Variants in TOP1MT observed in about 807,000 individuals in gnomAD.
TOP1MT encodes DNA topoisomerase I mitochondrial, also known as DNA topoisomerase I, mitochondrial.
Under a neutral mutation model 73.9 loss-of-function variants are expected in TOP1MT, and 80 were observed. That is an observed-to-expected ratio of 1.08 (90% CI 0.90 to 1.30). The LOEUF (loss-of-function observed/expected upper bound fraction) is 1.30, where lower values mean the gene tolerates loss of function less well. TOP1MT is among the 50% of genes most tolerant of loss of function. TOP1MT has a pLI of 0.00. For missense variants in TOP1MT, 815 were observed against 808.0 expected, an observed-to-expected ratio of 1.01 and a Z score of -0.10; for synonymous variants, 338 against 326.4, an observed-to-expected ratio of 1.04 and a Z score of -0.38.
rs916212452 is a variant in TOP1MT at position 143,317,630 on chromosome 8, C to T, written c.1330+93G>A. 69 of 1,141,164 alleles carry T rather than the reference C, an allele frequency of 6.0e-5. No individual in the cohort carries two copies. In the African/African-American group the frequency reaches 8.3e-4, roughly 14 times the overall value. 70.7% of individuals were successfully genotyped at this position (1,141,164 alleles called of 1,614,324 possible). On this transcript the variant is annotated intron_variant, in intron 10 of 13. Coordinates refer to ENST00000329245, the MANE Select transcript of TOP1MT (RefSeq NM_052963.3). ...ATTTCCCAAAGAAGCGGCCCCACCC[C>T]GAGGCTCACTCAACAAGGGCCAGCC...
chr8:143,321,496 G>GC (rs1563757677), intron 7 of TOP1MT, 110 bp from the exon 8 acceptor site: 1 of 212,848 alleles, frequency 4.7e-6, no homozygotes, highest in Non-Finnish European at 6.5e-6. Flanking sequence ...CGCCACACAC[G>GC]CACGCCACAC....
At chr8:143,353,589 A>G (rs1216565962) in intron 1 of TOP1MT, among the ~76,000 whole-genome samples, 1 of 152,214 alleles carries the variant, frequency 6.6e-6, no homozygotes, top group African/African-American at 2.4e-5. Context: ...CAGAATGGCC[A>G]TAATGAAAAA....
rs773238695 is a variant in TOP1MT at position 143,325,468 on chromosome 8, T to G, written c.549A>C (p.Gln183His). 1 of 1,613,594 alleles carries G rather than the reference T, an allele frequency of 6.2e-7. No individual in the cohort carries two copies. The highest frequency in any genetic ancestry group is 1.1e-5 in the South Asian group (1 of 91,090). ...CAATCTTGAAGTTGCCTATTTTTTC[T>G]TGGTGACCATCTAAAATACAGTAGC... ...EFGYCILDGH[Q>H]EKIGNFKIEP... Residue 183 changes from glutamine (Q) to histidine (H), a missense_variant, in exon 5 of 14, where the codon CAA (glutamine) becomes CAC (histidine). Transcript: ENST00000329245.
In TOP1MT at chr8:143,329,534, T is replaced by C. The variant is rs571313106; in HGVS notation, c.239-63A>G. The stretch of plus-strand genomic sequence containing the variant: ...CCAGAGGCTCGGCCTCCAGCTGACA[T>C]GACCTCATTGCTTTAAACTACGCTT... On this transcript the variant is annotated intron_variant, in intron 2 of 13. Transcript: ENST00000329245. 2.8e-5 allele frequency: 44 copies of C among 1,572,164 alleles called. No individual in the cohort carries two copies. In the African/African-American group the frequency reaches 5.1e-4, roughly 18 times the overall value.
Position 143,310,719 on chromosome 8 carries a change from A to G in TOP1MT, c.1554-502T>C, listed in dbSNP as rs571979124. Among the ~76,000 whole-genome samples, 4 of 152,354 alleles carry G rather than the reference A, an allele frequency of 2.6e-5. No homozygotes were observed. In the East Asian group the frequency reaches 5.8e-4, roughly 22 times the overall value. ...CAACTCTTCTAGGAATTTGTGCCAC[A>G]AACACTCGAATGTGCGTGGAAAGAC... On this transcript the variant is annotated intron_variant, in intron 12 of 13. Transcript: ENST00000329245.
At chr8:143,322,961 CACGCCACA>C in intron 7 of TOP1MT, among the ~76,000 whole-genome samples, 1 of 127,456 alleles carries the variant, frequency 7.8e-6, no homozygotes. Context: ...GCCACACACG[CACGCCACA>C]CACGCACGCA....
chr8:143,328,616 G>A (rs1177695677), intron 3 of TOP1MT, among the ~76,000 whole-genome samples: 1 of 152,344 alleles, frequency 6.6e-6, no homozygotes, highest in East Asian at 1.9e-4. Flanking sequence ...TCCTGTCAGA[G>A]GCAACTCACA....
intron 11 of TOP1MT, 57 bp from the exon 12 acceptor site, chr8:143,315,878 G>A: frequency 3.1e-6 from 5 of 1,604,170 alleles, no homozygotes; most frequent in Non-Finnish European, 4.3e-6. Context: ...CAGCCCCTGT[G>A]CCCACACCCT....
At chr8:143,358,629 A>G (rs1464236231), upstream of TOP1MT, 2 of 152,284 alleles carry the variant, frequency 1.3e-5, no homozygotes, top group African/African-American at 4.8e-5. Context: ...TTGGGCCCCG[A>G]CTGTCTCCCA....
At chr8:143,316,252 G>C (rs1816160331) in intron 10 of TOP1MT, 126 bp from the exon 11 acceptor site, 1 of 1,432,834 alleles carries the variant, frequency 7.0e-7, no homozygotes, top group African/African-American at 1.4e-5. Flanking sequence ...CACTGGGATG[G>C]GGAGAGTGAG....
upstream of TOP1MT, chr8:143,359,755 G>A (rs1817473149): frequency 6.6e-6 from 1 of 152,508 alleles, no homozygotes; most frequent in Non-Finnish European, 1.5e-5. Flanking sequence ...GCGGAGAGGC[G>A]AGGGATGTGG....
In TOP1MT at chr8:143,321,222, G is replaced by C. The variant is rs779970243; in HGVS notation, c.1125C>G (p.Asn375Lys). ...FLGKDCIRYY[N>K]RVPVEKPVYK... ...TCACCGGCTTCTCCACCGGCACTCT[G>C]TTGTAGTAGCGGATGCAGTCCTTCC... Residue 375 changes from asparagine to lysine, a missense_variant, in exon 8 of 14, where the codon AAC becomes AAG. By Grantham distance (94) the Asn-to-Lys change is moderately conservative. This residue lies in a region of TOP1MT where 751 missense variants were observed against 725.4 expected (regional missense o/e 1.04). Coordinates refer to ENST00000329245, the MANE Select transcript of TOP1MT (RefSeq NM_052963.3). 15 of 1,608,140 alleles carry C rather than the reference G, an allele frequency of 9.3e-6. No homozygotes were observed. The highest frequency in any genetic ancestry group is 2.7e-5 in the African/African-American group (2 of 74,644).
chr8:143,323,810 C>T (rs1190460137), intron 7 of TOP1MT, among the ~76,000 whole-genome samples, 189 bp downstream of exon 7: 1 of 152,076 alleles, frequency 6.6e-6, no homozygotes, highest in Non-Finnish European at 1.5e-5. Flanking sequence ...ACACACACCA[C>T]ACAATGCACA....
chr8:143,341,904 TCA>T lies in TOP1MT; in HGVS notation c.29+1314_29+1315del, dbSNP rs1817091593. 6.6e-6 allele frequency among the ~76,000 whole-genome samples: 1 copy of T among 152,134 alleles called. No homozygotes were observed. Among genetic ancestry groups the T allele is most frequent in the South Asian group, 2.1e-4 (1 of 4,826 alleles). Reference sequence around the variant, plus strand: ...TCTTCTTCTTATTAGCGACAGAGTCTCACTCTGTTATTATTATTATTATTGAG... The same window carrying T: ...TCTTCTTCTTATTAGCGACAGAGTCTCTCTGTTATTATTATTATTATTGAG... On this transcript the variant is annotated intron_variant, in intron 2 of 5. Coordinates refer to the TOP1MT transcript ENST00000518007. This position sits in a 1 kb window ranked among gnomAD's most constrained non-coding sequence, Gnocchi z 4.1.
chr8:143,346,900 A>C (rs1817230371), upstream of TOP1MT, among the ~76,000 whole-genome samples: 1 of 152,116 alleles, frequency 6.6e-6, no homozygotes, highest in African/African-American at 2.4e-5. Context: ...TCAAGATAAC[A>C]ACATTGTCCA....
chr8:143,349,151 A>G (rs1253504674), upstream of TOP1MT, among the ~76,000 whole-genome samples: 1 of 152,136 alleles, frequency 6.6e-6, no homozygotes, highest in Non-Finnish European at 1.5e-5. Flanking sequence ...TTAATGTTTC[A>G]TTAGAGAAAA....
chr8:143,326,144 T>C, intron 4 of TOP1MT, 78 bp downstream of exon 4: 7 of 1,554,990 alleles, frequency 4.5e-6, no homozygotes, highest in Non-Finnish European at 6.1e-6. Flanking sequence ...GCCACAGGCC[T>C]TTCTCAGTCT....
chr8:143,314,744 T>C (rs554306143), intron 12 of TOP1MT, among the ~76,000 whole-genome samples: 2 of 152,112 alleles, frequency 1.3e-5, no homozygotes, highest in African/African-American at 4.8e-5. Flanking sequence ...TGTTCCAGTA[T>C]AATAAAATAC....
At chr8:143,311,117 A>ATT (rs769172231) in intron 12 of TOP1MT, among the ~76,000 whole-genome samples, 147 of 106,832 alleles carry the variant, frequency 1.4e-3, no homozygotes, top group Non-Finnish European at 1.8e-3. Flanking sequence ...CACGCACATG[A>ATT]TTTTTTTTTT....
Sources: gnomAD v4.1 joint callset for allele counts (sites outside exome capture counted in the v4.1 genomes callset) on GRCh38, gnomAD v4.1.1 for gene constraint, gnomAD v4.1.1 regional missense constraint, Gnocchi (gnomAD v3.1) non-coding constraint, MANE v1.5 for transcripts, NCBI Gene and HGNC (gene_info 2026-07-23, HGNC 2026-07-21) for gene names.